The following MACROD2 variants were observed in gnomAD, a reference collection of about 807,000 sequenced individuals.
The protein encoded by MACROD2 is ADP-ribose glycohydrolase MACROD2.
A neutral mutation model predicts 70.4 loss-of-function variants in MACROD2; 36 were observed. The ratio of observed to expected loss-of-function variants is 0.51; its 90% CI spans 0.39 to 0.68. MACROD2 has a LOEUF of 0.68. MACROD2 is among the 30% of genes least tolerant of loss of function. The pLI is 0.00. For missense variants in MACROD2, 496 were observed against 538.4 expected (o/e 0.92, Z 0.78); for synonymous variants, 172 against 178.8 (o/e 0.96, Z 0.30).
At chr20:14,732,298 G>T (rs891229400) in intron 5 of MACROD2, among the ~76,000 whole-genome samples, 2 of 152,062 alleles carry the variant, frequency 1.3e-5, no homozygotes, top group African/African-American at 2.4e-5. Flanking sequence ...AGTATTTCTT[G>T]GGCAAACTTT....
At chr20:15,207,704 G>A (rs1350386587) in intron 5 of MACROD2, among the ~76,000 whole-genome samples, 1 of 151,432 alleles carries the variant, frequency 6.6e-6, no homozygotes, top group African/African-American at 2.4e-5. Flanking sequence ...GCCTGCCAAA[G>A]TGGTGGGATT....
intron 8 of MACROD2, among the ~76,000 whole-genome samples, chr20:15,597,754 G>C (rs2048764704): frequency 6.6e-6 from 1 of 152,176 alleles, no homozygotes; most frequent in Non-Finnish European, 1.5e-5. Flanking sequence ...TTTTAACCCA[G>C]AAGGCAGTAG....
At chr20:14,633,375 C>T (rs1293854065) in intron 4 of MACROD2, among the ~76,000 whole-genome samples, 1 of 152,136 alleles carries the variant, frequency 6.6e-6, no homozygotes, top group Non-Finnish European at 1.5e-5. Flanking sequence ...ATTCAGCCTA[C>T]TCTGGTAATC....
intron 6 of MACROD2, among the ~76,000 whole-genome samples, chr20:15,376,061 T>C (rs6135400): frequency 0.15 from 22,556 of 152,058 alleles, 2,654 homozygotes; most frequent in African/African-American, 0.33. Context: ...GTTTACCAAA[T>C]GATTCAGGCA....
intron 4 of MACROD2, among the ~76,000 whole-genome samples, chr20:14,644,853 CA>C (rs1191974222): frequency 1.3e-5 from 2 of 151,900 alleles, no homozygotes; most frequent in Non-Finnish European, 2.9e-5. Context: ...AGTGGGTAAC[CA>C]AAAGCAAACA....
At chr20:14,770,507 A>G (rs1288149404) in intron 5 of MACROD2, among the ~76,000 whole-genome samples, 1 of 152,084 alleles carries the variant, frequency 6.6e-6, no homozygotes, top group Non-Finnish European at 1.5e-5. Context: ...TCGTAGATTT[A>G]CACTTTTTGA....
At chr20:15,884,474 C>T (rs1339606305) in intron 9 of MACROD2, among the ~76,000 whole-genome samples, 1 of 151,880 alleles carries the variant, frequency 6.6e-6, no homozygotes, top group Non-Finnish European at 1.5e-5. Flanking sequence ...TGAGTGTTAT[C>T]GGGAAGAGTC....
chr20:15,867,050 A>G (rs1233669370), intron 9 of MACROD2, among the ~76,000 whole-genome samples: 1 of 152,144 alleles, frequency 6.6e-6, no homozygotes, highest in Non-Finnish European at 1.5e-5. Flanking sequence ...GGCAAGATTA[A>G]TTTCTTCAGA....
rs184177546 is a variant in MACROD2 at position 15,545,077 on chromosome 20, G to T, written c.645+45230G>T. ...AAGCTTAACTCCATTTCACATCCCT[G>T]ACATGTAGCACACACTGCAGTGACT... On this transcript the variant is annotated intron_variant, in intron 8 of 17. Transcript: ENST00000684519. Among the ~76,000 whole-genome samples the T allele has an allele frequency of 2.0e-5, 3 of 152,280 alleles. No individual in the cohort carries two copies. The East Asian group carries it at 5.8e-4, about 30-fold the overall frequency.
chr20:14,121,861 T>A (rs370719581), intron 3 of MACROD2, among the ~76,000 whole-genome samples: 1 of 152,190 alleles, frequency 6.6e-6, no homozygotes, highest in African/African-American at 2.4e-5. Context: ...ACATCTTGGT[T>A]GTTAAATTGC....
At chr20:14,945,114 C>CT (rs903589353) in intron 5 of MACROD2, among the ~76,000 whole-genome samples, 65 of 149,046 alleles carry the variant, frequency 4.4e-4, no homozygotes, top group South Asian at 1.9e-3. Context: ...TTCTTTCTTT[C>CT]TTTTTTTTTT....
intron 8 of MACROD2, among the ~76,000 whole-genome samples, chr20:15,819,565 C>T (rs973268727): frequency 6.7e-5 from 10 of 149,132 alleles, no homozygotes; most frequent in African/African-American, 2.5e-4. Flanking sequence ...AATATACACA[C>T]ACAATGGAAT....
At chr20:14,663,955 T>C (rs1380186310) in intron 4 of MACROD2, among the ~76,000 whole-genome samples, 1 of 152,136 alleles carries the variant, frequency 6.6e-6, no homozygotes, top group East Asian at 1.9e-4. Flanking sequence ...TACTGATAGA[T>C]TGACTTTACT....
chr20:14,099,052 G>A (rs1193004740), intron 3 of MACROD2, among the ~76,000 whole-genome samples: 1 of 152,184 alleles, frequency 6.6e-6, no homozygotes, highest in African/African-American at 2.4e-5. Flanking sequence ...GGCCGAGGCA[G>A]GTGGTTCACG....
At chr20:14,047,358 G>A (rs1310107002) in intron 2 of MACROD2, among the ~76,000 whole-genome samples, 1 of 150,974 alleles carries the variant, frequency 6.6e-6, no homozygotes, top group Non-Finnish European at 1.5e-5. Flanking sequence ...GGGAGGCTGA[G>A]TCAGGAGAAT....
intron 2 of MACROD2, among the ~76,000 whole-genome samples, chr20:14,043,797 T>C (rs902702571): frequency 6.6e-6 from 1 of 152,054 alleles, no homozygotes; most frequent in Admixed American, 6.6e-5. Context: ...AAAAGGATCA[T>C]GTGAAAGGAG....
intron 15 of MACROD2, among the ~76,000 whole-genome samples, chr20:16,004,677 C>T (rs2066763487): frequency 6.6e-6 from 1 of 152,260 alleles, no homozygotes; most frequent in Admixed American, 6.5e-5. Context: ...GCAGCCAACT[C>T]CCACACACAG....
chr20:15,349,460 T>C (rs953374121), intron 6 of MACROD2, among the ~76,000 whole-genome samples: 3 of 152,004 alleles, frequency 2.0e-5, no homozygotes, highest in Non-Finnish European at 4.4e-5. Context: ...GGAACACACA[T>C]TAAGGAAAAT....
At chr20:14,410,060 T>C (rs528429277) in intron 3 of MACROD2, among the ~76,000 whole-genome samples, 3 of 152,220 alleles carry the variant, frequency 2.0e-5, no homozygotes, top group African/African-American at 7.2e-5. Flanking sequence ...ATCAGAAGTG[T>C]TGGGGAGTTG....
Sources: gnomAD v4.1 joint callset for allele counts (sites outside exome capture counted in the v4.1 genomes callset) on GRCh38, gnomAD v4.1.1 for gene constraint, MANE v1.5 for transcripts, NCBI Gene and HGNC (gene_info 2026-07-23, HGNC 2026-07-21) for gene names.